The following PAX2 variants were observed in gnomAD, a reference collection of about 807,000 sequenced individuals.
The protein encoded by PAX2 is paired box protein Pax-2.
A neutral mutation model predicts 41.7 loss-of-function variants in PAX2; 9 were observed. That is an observed-to-expected ratio of 0.22 (90% CI 0.13 to 0.38). The LOEUF (loss-of-function observed/expected upper bound fraction) is 0.38. Among genes scored for constraint, PAX2 ranks in the 10% least tolerant of loss-of-function variants. The pLI, the probability that PAX2 is intolerant of heterozygous loss-of-function variation, is 1.00. For missense variants in PAX2, 418 were observed against 531.6 expected (o/e 0.79, Z 2.10); for synonymous variants, 221 against 212.7 (o/e 1.04, Z -0.34).
intron 3 of PAX2, among the ~76,000 whole-genome samples, chr10:100,776,429 T>C (rs770470181): frequency 1.3e-5 from 2 of 152,218 alleles, no homozygotes; most frequent in Non-Finnish European, 2.9e-5. Context: ...TCTTGAAACA[T>C]TCTTCTCCAC....
intron 7 of PAX2, among the ~76,000 whole-genome samples, chr10:100,817,513 A>G (rs1182018771): frequency 6.6e-6 from 1 of 152,230 alleles, no homozygotes; most frequent in African/African-American, 2.4e-5. Flanking sequence ...TGGAAACAGC[A>G]TGACTGGTTG....
intron 5 of PAX2, chr10:100,787,119 G>A: frequency 1.9e-6 from 1 of 517,598 alleles, no homozygotes; most frequent in Non-Finnish European, 3.5e-6. Context: ...GCATGGAAAA[G>A]GAGGAGTTGG....
rs753416595 is a variant in PAX2 at position 100,827,589 on chromosome 10, C to A, written c.1155C>A (p.Ala385=). The change falls in exon 10 of 10, where the codon GCC becomes GCA. Residue 385 remains alanine, a synonymous_variant. Coordinates refer to ENST00000355243, the MANE Select transcript of PAX2 (RefSeq NM_000278.5). This position sits in a 1 kb window ranked among gnomAD's most constrained non-coding sequence, Gnocchi z 8.5. The part of the protein sequence containing the change: ...YSAAPRGSAP[A]AAAAAYDRH ...CCGCCCCCCGGGGCTCCGCCCCTGC[C>A]GCTGCTGCCGCTGCCTATGACCGCC... is the stretch of plus-strand genomic sequence containing the variant. 1 of 1,613,744 alleles carries A rather than the reference C, an allele frequency of 6.2e-7. No individual in the cohort carries two copies.
At chr10:100,749,282 G>T (rs1845339835) in intron 1 of PAX2, 2 of 996,472 alleles carry the variant, frequency 2.0e-6, no homozygotes, top group African/African-American at 1.7e-5. Context: ...GAGCCTCGAC[G>T]CCCCCAAATC....
chr10:100,815,224 C>G (rs1482961509), intron 7 of PAX2, among the ~76,000 whole-genome samples: 4 of 152,158 alleles, frequency 2.6e-5, no homozygotes, highest in African/African-American at 7.2e-5. Context: ...GGCCAGCCCC[C>G]GGGGGAGGAG....
chr10:100,816,651 G>A (rs56010834), intron 7 of PAX2, among the ~76,000 whole-genome samples: 256 of 152,286 alleles, frequency 1.7e-3, no homozygotes, highest in Non-Finnish European at 2.5e-3. Context: ...TCCCAGGGTA[G>A]CCAGAATCCC....
chr10:100,784,088 C>A (rs1474878585), intron 5 of PAX2, among the ~76,000 whole-genome samples: 2 of 152,218 alleles, frequency 1.3e-5, no homozygotes, highest in Non-Finnish European at 2.9e-5. Context: ...GGCAGCCCCT[C>A]CTCCCCTTTC....
upstream of PAX2, among the ~76,000 whole-genome samples, chr10:100,744,543 G>A (rs1350637203): frequency 2.0e-5 from 3 of 152,228 alleles, no homozygotes; most frequent in Non-Finnish European, 4.4e-5. Flanking sequence ...ACGTCCCCGT[G>A]GTTGCGCCTC....
At chr10:100,783,862 G>A (rs776221305) in intron 5 of PAX2, among the ~76,000 whole-genome samples, 2 of 152,084 alleles carry the variant, frequency 1.3e-5, no homozygotes, top group African/African-American at 4.8e-5. Context: ...GGGCCTATCC[G>A]GGTGGCAAGA....
intron 7 of PAX2, among the ~76,000 whole-genome samples, chr10:100,814,895 C>G (rs1371832960): frequency 6.6e-6 from 1 of 152,172 alleles, no homozygotes; most frequent in Non-Finnish European, 1.5e-5. Flanking sequence ...GGCTGGTCTC[C>G]CAGAAGCTGG....
At chr10:100,761,644 G>A (rs1013409603) in intron 3 of PAX2, among the ~76,000 whole-genome samples, 2 of 152,186 alleles carry the variant, frequency 1.3e-5, no homozygotes, top group Non-Finnish European at 2.9e-5. Context: ...CTGCCCAAGC[G>A]AGTACTCTGG....
intron 5 of PAX2, among the ~76,000 whole-genome samples, chr10:100,781,705 G>A (rs1417867350): frequency 1.3e-5 from 2 of 152,242 alleles, no homozygotes; most frequent in East Asian, 3.8e-4. Context: ...GAGGATGAAA[G>A]GCCAACCTAC....
intron 3 of PAX2, among the ~76,000 whole-genome samples, chr10:100,755,630 G>T (rs958742381): frequency 1.3e-5 from 2 of 152,180 alleles, no homozygotes; most frequent in East Asian, 3.8e-4. Context: ...CTGCGTGGAG[G>T]GTGGTCTCCA....
chr10:100,809,447 A>G, intron 7 of PAX2, among the ~76,000 whole-genome samples: 1 of 152,214 alleles, frequency 6.6e-6, no homozygotes, highest in Non-Finnish European at 1.5e-5. Flanking sequence ...TTCAACCTGG[A>G]AAGGCTGATG....
At chr10:100,756,300 G>A (rs191827383) in intron 3 of PAX2, among the ~76,000 whole-genome samples, 8 of 152,208 alleles carry the variant, frequency 5.3e-5, no homozygotes, top group African/African-American at 1.9e-4. Flanking sequence ...AGCTTCTTAG[G>A]TGTCCAACAA....
intron 5 of PAX2, among the ~76,000 whole-genome samples, chr10:100,802,415 G>A (rs1847595314): frequency 6.6e-6 from 1 of 152,206 alleles, no homozygotes; most frequent in Admixed American, 6.5e-5. Flanking sequence ...TATTGGTAGA[G>A]GCACCAGAGA....
At chr10:100,737,981 T>C (rs1436730147) in intron 1 of PAX2, among the ~76,000 whole-genome samples, 3 of 152,374 alleles carry the variant, frequency 2.0e-5, no homozygotes, top group African/African-American at 2.4e-5. Flanking sequence ...AGGGCAATTG[T>C]GGTCTTCAGC....
At chr10:100,741,558 G>C (rs1844959050), upstream of PAX2, among the ~76,000 whole-genome samples, 2 of 152,130 alleles carry the variant, frequency 1.3e-5, no homozygotes, top group Non-Finnish European at 2.9e-5. Flanking sequence ...TGTAAGTTTC[G>C]GCTCCCTGGG....
intron 5 of PAX2, among the ~76,000 whole-genome samples, chr10:100,798,879 C>T (rs1326228066): frequency 2.0e-5 from 3 of 152,226 alleles, no homozygotes; most frequent in Non-Finnish European, 4.4e-5. Flanking sequence ...GCTGTGCCGC[C>T]GTGGGGGTGG....
Sources: gnomAD v4.1 joint callset for allele counts (sites outside exome capture counted in the v4.1 genomes callset) on GRCh38, gnomAD v4.1.1 for gene constraint, Gnocchi (gnomAD v3.1) non-coding constraint, MANE v1.5 for transcripts, NCBI Gene and HGNC (gene_info 2026-07-23, HGNC 2026-07-21) for gene names.